ATP11A: variants seen among roughly 807,000 people sequenced by gnomAD.
ATP11A encodes ATPase phospholipid transporting 11A.
Under a neutral mutation model 154.4 loss-of-function variants are expected in ATP11A, and 81 were observed. The ratio of observed to expected loss-of-function variants is 0.52; its 90% CI spans 0.44 to 0.63. The LOEUF (loss-of-function observed/expected upper bound fraction) is 0.63, where lower values mean the gene tolerates loss of function less well. Among genes scored for constraint, ATP11A ranks in the 30% least tolerant of loss-of-function variants. ATP11A has a pLI of 0.00. For synonymous variants in ATP11A, 623 were observed against 585.9 expected (o/e 1.06, Z -0.91); for missense variants, 1,316 against 1,474.3 (o/e 0.89, Z 1.76).
intron 1 of ATP11A, among the ~76,000 whole-genome samples, chr13:112,732,372 G>A (rs1259076068): frequency 6.6e-6 from 1 of 152,124 alleles, no homozygotes; most frequent in African/African-American, 2.4e-5. Context: ...CTGGGCCAGT[G>A]AGTCTCTCTC....
At chr13:112,760,458 C>G (rs1438833415) in intron 1 of ATP11A, among the ~76,000 whole-genome samples, 1 of 151,966 alleles carries the variant, frequency 6.6e-6, no homozygotes, top group Non-Finnish European at 1.5e-5. Flanking sequence ...GTTTTACATG[C>G]CAGATAGAAA....
intron 28 of ATP11A, among the ~76,000 whole-genome samples, chr13:112,877,539 C>T (rs1163065509): frequency 6.6e-6 from 1 of 152,198 alleles, no homozygotes; most frequent in Non-Finnish European, 1.5e-5. Context: ...GGGGTCTGAC[C>T]CCGAGAGAGA....
At chr13:112,878,497 C>T in intron 29 of ATP11A, 194 bp downstream of exon 29, 1 of 619,174 alleles carries the variant, frequency 1.6e-6, no homozygotes. Flanking sequence ...CTGTGCTTTC[C>T]ATCAGTCACA....
chr13:112,691,244 C>G (rs1265082695), intron 1 of ATP11A, among the ~76,000 whole-genome samples: 1 of 152,008 alleles, frequency 6.6e-6, no homozygotes, highest in Non-Finnish European at 1.5e-5. Context: ...GCGGGCGGAT[C>G]ACGAGGTCAG....
chr13:112,776,825 G>A (rs1235290855), intron 1 of ATP11A, among the ~76,000 whole-genome samples: 2 of 152,106 alleles, frequency 1.3e-5, no homozygotes, highest in African/African-American at 4.8e-5. Flanking sequence ...TCAAACTCCT[G>A]ACCTCAGGTG....
chr13:112,751,091 C>T (rs1054297693), intron 1 of ATP11A, among the ~76,000 whole-genome samples: 1 of 152,214 alleles, frequency 6.6e-6, no homozygotes, highest in Non-Finnish European at 1.5e-5. Context: ...TCTCTGCTCC[C>T]TGTGGGACCG....
chr13:112,716,502 C>T lies in ATP11A; in HGVS notation c.39+26047C>T, dbSNP rs116399194. ...CTAGTCTCCTGGTAGGCATCCCCTC[C>T]GCCTCTGGGAGGACGGGAGCCGGGA... On this transcript the variant is annotated intron_variant, in intron 1 of 29. Transcript: ENST00000375645. Among the ~76,000 whole-genome samples, 289 of 152,298 alleles carry T rather than the reference C, an allele frequency of 1.9e-3. 2 individuals are homozygous for T. Among genetic ancestry groups the T allele is most frequent in the Non-Finnish European group, 2.9e-3 (200 of 68,010 alleles).
At chr13:112,735,922 G>T (rs953540267) in intron 1 of ATP11A, among the ~76,000 whole-genome samples, 1 of 152,122 alleles carries the variant, frequency 6.6e-6, no homozygotes, top group Non-Finnish European at 1.5e-5. Context: ...ATGCCTCCGT[G>T]TGCGCATGCT....
At chr13:112,706,794 T>G (rs1042371667) in intron 1 of ATP11A, among the ~76,000 whole-genome samples, 2 of 152,212 alleles carry the variant, frequency 1.3e-5, no homozygotes, top group African/African-American at 2.4e-5. Context: ...AGCTATTAGG[T>G]TGGTGCAAAT....
rs2076740117 is a variant in ATP11A at position 112,753,306 on chromosome 13, C to T, written c.40-31829C>T. ...CTTTTATAAATAGTGCTGCAGATGC[C>T]TTGTGAGTACATCAGCTATATTTCT... On this transcript the variant is annotated intron_variant, in intron 1 of 29. Coordinates refer to ENST00000375645, the MANE Select transcript of ATP11A (RefSeq NM_015205.3). This position sits in a 1 kb window ranked among gnomAD's most constrained non-coding sequence, Gnocchi z 4.1. 6.6e-6 allele frequency among the ~76,000 whole-genome samples: 1 copy of T among 152,194 alleles called. No homozygotes were observed. Among genetic ancestry groups the T allele is most frequent in the Admixed American group, 6.5e-5 (1 of 15,274 alleles).
intron 1 of ATP11A, among the ~76,000 whole-genome samples, chr13:112,766,706 C>T (rs1013798358): frequency 6.6e-6 from 1 of 151,938 alleles, no homozygotes; most frequent in African/African-American, 2.4e-5. Flanking sequence ...CTGCCTCTTC[C>T]CTCCATATTC....
At chr13:112,692,613 C>G (rs1370942391) in intron 1 of ATP11A, among the ~76,000 whole-genome samples, 3 of 152,170 alleles carry the variant, frequency 2.0e-5, no homozygotes, top group Non-Finnish European at 4.4e-5. Flanking sequence ...ACTTTTCCAG[C>G]ATATACATTA....
At chr13:112,764,142 C>T (rs2077022019) in intron 1 of ATP11A, among the ~76,000 whole-genome samples, 1 of 152,204 alleles carries the variant, frequency 6.6e-6, no homozygotes, top group East Asian at 1.9e-4. Flanking sequence ...GGCCGTAGCC[C>T]CCATAAAAGC....
chr13:112,780,612 C>T (rs2077474369), intron 1 of ATP11A, among the ~76,000 whole-genome samples: 1 of 152,190 alleles, frequency 6.6e-6, no homozygotes, highest in African/African-American at 2.4e-5. Context: ...TTGTGCCCCT[C>T]CAGGAGTCGC....
chr13:112,826,107 C>A (rs1016160616), intron 11 of ATP11A, among the ~76,000 whole-genome samples: 1 of 149,026 alleles, frequency 6.7e-6, no homozygotes, highest in Non-Finnish European at 1.5e-5. Context: ...ACCTGTGTCC[C>A]CACTGTCCAG....
At chr13:112,728,254 G>A (rs189025237) in intron 1 of ATP11A, among the ~76,000 whole-genome samples, 16 of 152,296 alleles carry the variant, frequency 1.1e-4, no homozygotes, top group Admixed American at 3.3e-4. Context: ...AGACCATGCG[G>A]CCCACCTCCC....
At chr13:112,862,811 C>G (rs9549304) in intron 25 of ATP11A, among the ~76,000 whole-genome samples, 1 of 130,506 alleles carries the variant, frequency 7.7e-6, no homozygotes, top group Admixed American at 7.5e-5. Context: ...CCATCACCAC[C>G]TGCGCAGTAA....
chr13:112,771,280 G>A (rs1203249450), intron 1 of ATP11A, among the ~76,000 whole-genome samples: 1 of 152,144 alleles, frequency 6.6e-6, no homozygotes, highest in Non-Finnish European at 1.5e-5. Context: ...CTTCGAATGC[G>A]GAAACATCTT....
rs1337700219 is a variant in ATP11A, at chr13:112,863,048, C to G, written c.2991+473C>G. Reference sequence around the variant, plus strand: ...CCACCTGTGCAGTAGTTCAGTGCGGCCCATGCAGCTTCCCAGCAGGGTCCA... The same window carrying G: ...CCACCTGTGCAGTAGTTCAGTGCGGGCCATGCAGCTTCCCAGCAGGGTCCA... On this transcript the variant is annotated intron_variant, in intron 25 of 29. Coordinates refer to ENST00000375645, the MANE Select transcript of ATP11A (RefSeq NM_015205.3). Among the ~76,000 whole-genome samples, 3 of 146,500 alleles carry G rather than the reference C, an allele frequency of 2.0e-5. No homozygotes were observed. In the East Asian group the frequency reaches 6.1e-4, roughly 30 times the overall value.
Sources: gnomAD v4.1 joint callset for allele counts (sites outside exome capture counted in the v4.1 genomes callset) on GRCh38, gnomAD v4.1.1 for gene constraint, Gnocchi (gnomAD v3.1) non-coding constraint, MANE v1.5 for transcripts, NCBI Gene and HGNC (gene_info 2026-07-23, HGNC 2026-07-21) for gene names.